PRKX: variants seen among roughly 807,000 people sequenced by gnomAD.
PRKX encodes cAMP-dependent protein kinase catalytic subunit PRKX.
PRKX carries 12 observed loss-of-function variants against 22.0 expected under a neutral mutation model. That is an observed-to-expected ratio of 0.54 (90% CI 0.35 to 0.88). The LOEUF is 0.88. Among genes scored for constraint, PRKX ranks in the 40% least tolerant of loss-of-function variants. PRKX has a pLI of 0.01. For missense variants in PRKX, 217 were observed against 308.0 expected, an observed-to-expected ratio of 0.70 and a Z score of 2.21; for synonymous variants, 134 against 137.7, an observed-to-expected ratio of 0.97 and a Z score of 0.19.
intron 2 of PRKX, among the ~76,000 whole-genome samples, chrX:3,665,170 G>A (rs756896730): frequency 1.6e-4 from 18 of 111,848 alleles, no homozygotes; most frequent in African/African-American, 3.9e-4. Flanking sequence ...GTGTGTGTGC[G>A]TGCTTGTGTG....
chrX:3,705,680 G>A (rs1928666670), intron 1 of PRKX, among the ~76,000 whole-genome samples: 1 of 107,970 alleles, frequency 9.3e-6, no homozygotes, highest in African/African-American at 3.4e-5. Context: ...TTCCCCCAAG[G>A]TTTTTCTTTT....
chrX:3,626,349 G>A (rs1444690254), intron 5 of PRKX, 70 bp downstream of exon 5: 24 of 844,413 alleles, frequency 2.8e-5, no homozygotes, highest in African/African-American at 4.0e-5. Flanking sequence ...TGCTGAGTGC[G>A]TGCTTTCACG....
intron 2 of PRKX, among the ~76,000 whole-genome samples, chrX:3,658,022 C>T (rs1255358893): frequency 2.7e-5 from 3 of 111,565 alleles, no homozygotes; most frequent in African/African-American, 9.8e-5. Context: ...GAGAGTTTTG[C>T]TCTTGTTGCC....
At chrX:3,613,131 A>T (rs1926333605) in intron 7 of PRKX, among the ~76,000 whole-genome samples, 1 of 89,060 alleles carries the variant, frequency 1.1e-5, no homozygotes, top group Admixed American at 1.5e-4. Context: ...AGCCTGGGCA[A>T]CGGAGCAAGA....
At chrX:3,622,559 G>A (rs928409272) in intron 5 of PRKX, among the ~76,000 whole-genome samples, 6 of 110,668 alleles carry the variant, frequency 5.4e-5, no homozygotes, top group African/African-American at 2.0e-4. Context: ...CATCTAGATT[G>A]TGAATCTCGC....
At chrX:3,692,580 T>C (rs1261422054) in intron 1 of PRKX, among the ~76,000 whole-genome samples, 4 of 102,218 alleles carry the variant, frequency 3.9e-5, no homozygotes, top group Non-Finnish European at 5.9e-5. Context: ...CAGGCTGGAG[T>C]GCAGTGGCGC....
At chrX:3,649,968 C>T (rs1461579659) in intron 3 of PRKX, among the ~76,000 whole-genome samples, 1 of 109,416 alleles carries the variant, frequency 9.1e-6, no homozygotes, top group South Asian at 4.1e-4. Context: ...AGTGAAACCC[C>T]GTCTCTACAA....
chrX:3,661,905 A>T (rs1249768572), intron 2 of PRKX, among the ~76,000 whole-genome samples: 2 of 112,188 alleles, frequency 1.8e-5, no homozygotes, highest in Non-Finnish European at 3.8e-5. Context: ...AGGGTTTATC[A>T]CAATGGATAT....
At chrX:3,674,917 G>A (rs1603474419) in intron 1 of PRKX, 151 bp from the exon 2 acceptor site, 1 of 593,944 alleles carries the variant, frequency 1.7e-6, no homozygotes, top group Non-Finnish European at 2.7e-6. Context: ...GTGCACGTGG[G>A]CTGATGGCAT....
At chrX:3,677,879 A>G (rs1278859193) in intron 1 of PRKX, among the ~76,000 whole-genome samples, 2 of 112,488 alleles carry the variant, frequency 1.8e-5, no homozygotes, top group African/African-American at 6.5e-5. Context: ...CAGGTGTTAA[A>G]TATTTCTTTA....
intron 4 of PRKX, among the ~76,000 whole-genome samples, chrX:3,640,974 T>C (rs1248378286): frequency 1.8e-5 from 2 of 111,454 alleles, no homozygotes; most frequent in African/African-American, 6.5e-5. Flanking sequence ...TGTTACCCTG[T>C]ATGCTCTAAA....
At chrX:3,630,531 G>A (rs1481737469) in intron 4 of PRKX, among the ~76,000 whole-genome samples, 1 of 111,893 alleles carries the variant, frequency 8.9e-6, no homozygotes, top group Non-Finnish European at 1.9e-5. Context: ...CTGCACTCCA[G>A]CCTGGGCGAC....
At chrX:3,704,293 A>C (rs7877339) in intron 1 of PRKX, among the ~76,000 whole-genome samples, 4,981 of 112,083 alleles carry the variant, frequency 0.044, 258 homozygotes, top group African/African-American at 0.15. Flanking sequence ...GTTTCTGTGC[A>C]AACAATCTGC....
At chrX:3,654,353 A>G (rs1927430332) in intron 3 of PRKX, among the ~76,000 whole-genome samples, 1 of 102,188 alleles carries the variant, frequency 9.8e-6, no homozygotes, top group Non-Finnish European at 1.9e-5. Flanking sequence ...TCTATTTAAT[A>G]TACATATATA....
At chrX:3,703,232 T>C (rs977592471) in intron 1 of PRKX, among the ~76,000 whole-genome samples, 7 of 111,348 alleles carry the variant, frequency 6.3e-5, no homozygotes, top group African/African-American at 2.3e-4. Context: ...AGCTGAGCTA[T>C]TGATTGCACC....
intron 1 of PRKX, among the ~76,000 whole-genome samples, chrX:3,681,196 A>T (rs1372815484): frequency 8.9e-6 from 1 of 111,939 alleles, no homozygotes; most frequent in Non-Finnish European, 1.9e-5. Context: ...AGCCTGGGCA[A>T]CATGGTGAGA....
intron 1 of PRKX, among the ~76,000 whole-genome samples, chrX:3,689,743 C>G (rs760609441): frequency 2.7e-5 from 3 of 111,667 alleles, no homozygotes; most frequent in East Asian, 5.6e-4. Flanking sequence ...TTTGGGAGGC[C>G]AAGGCGGGCG....
chrX:3,690,624 T>C (rs111451304), intron 1 of PRKX, among the ~76,000 whole-genome samples: 2 of 110,795 alleles, frequency 1.8e-5, no homozygotes, highest in African/African-American at 6.5e-5. Flanking sequence ...CCCAGCTACT[T>C]GGGAGGCTGA....
chrX:3,615,696 T>C (rs770789014), intron 7 of PRKX, 119 bp downstream of exon 7: 2 of 604,762 alleles, frequency 3.3e-6, no homozygotes, highest in African/African-American at 4.6e-5. Context: ...AGACAAATAG[T>C]TGTATTATAT....
Sources: gnomAD v4.1 joint callset for allele counts (sites outside exome capture counted in the v4.1 genomes callset) on GRCh38, gnomAD v4.1.1 for gene constraint, MANE v1.5 for transcripts, NCBI Gene and HGNC (gene_info 2026-07-23, HGNC 2026-07-21) for gene names.